The following GRID1 variants were observed in gnomAD, a reference collection of about 807,000 sequenced individuals.
The protein encoded by GRID1 is glutamate receptor ionotropic, delta-1.
A neutral mutation model predicts 98.0 loss-of-function variants in GRID1; 28 were observed. The ratio of observed to expected loss-of-function variants is 0.29; its 90% CI spans 0.21 to 0.39. GRID1 has a LOEUF of 0.39. Ranked by LOEUF, GRID1 falls within the 10% of genes least tolerant of loss-of-function variation. The probability of loss-of-function intolerance (pLI) is 1.00; values close to 1 mark genes in which losing one functional copy is unlikely to be tolerated. For synonymous variants in GRID1, 553 were observed against 538.5 expected (o/e 1.03, Z -0.37); for missense variants, 1,111 against 1,340.5 (o/e 0.83, Z 2.67).
intron 4 of GRID1, among the ~76,000 whole-genome samples, chr10:85,967,723 C>G (rs762107882): frequency 6.6e-6 from 1 of 152,150 alleles, no homozygotes; most frequent in Non-Finnish European, 1.5e-5. Flanking sequence ...CTCAGGGAGA[C>G]TCATGCCTAA....
intron 2 of GRID1, among the ~76,000 whole-genome samples, chr10:86,363,160 G>A (rs926271721): frequency 6.6e-6 from 1 of 152,258 alleles, no homozygotes; most frequent in South Asian, 2.1e-4. Flanking sequence ...AGCAGAGGGG[G>A]TTGCTGTCGT....
At chr10:86,175,900 G>A (rs1215161737) in intron 3 of GRID1, among the ~76,000 whole-genome samples, 1 of 152,218 alleles carries the variant, frequency 6.6e-6, no homozygotes, top group Non-Finnish European at 1.5e-5. Flanking sequence ...GTAGAGACGG[G>A]GTTTCTCCAT....
intron 2 of GRID1, among the ~76,000 whole-genome samples, chr10:86,295,725 T>C (rs1847579678): frequency 6.6e-6 from 1 of 152,190 alleles, no homozygotes; most frequent in Non-Finnish European, 1.5e-5. Flanking sequence ...CTGCAGTTCA[T>C]ACCTGAGCTT....
chr10:85,698,629 T>C (rs1841419132), intron 12 of GRID1, among the ~76,000 whole-genome samples: 1 of 152,260 alleles, frequency 6.6e-6, no homozygotes, highest in African/African-American at 2.4e-5. Flanking sequence ...TATAAACATT[T>C]ATGTAAAGAT....
At chr10:86,228,379 T>C (rs1266979023) in intron 2 of GRID1, among the ~76,000 whole-genome samples, 1 of 151,554 alleles carries the variant, frequency 6.6e-6, no homozygotes, top group African/African-American at 2.4e-5. Context: ...CTGGCCTTGG[T>C]CCCCCATCCT....
At chr10:85,615,718 C>T (rs1180498836) in intron 14 of GRID1, among the ~76,000 whole-genome samples, 1 of 152,212 alleles carries the variant, frequency 6.6e-6, no homozygotes, top group African/African-American at 2.4e-5. Flanking sequence ...AGTGTTGCAC[C>T]ACCTCATATG....
intron 5 of GRID1, among the ~76,000 whole-genome samples, chr10:85,912,308 C>G (rs1841550023): frequency 6.6e-6 from 1 of 152,198 alleles, no homozygotes; most frequent in Non-Finnish European, 1.5e-5. Context: ...AAAAACACAT[C>G]CGCTCTCCAG....
At chr10:85,881,260 T>C (rs1216491701) in intron 5 of GRID1, among the ~76,000 whole-genome samples, 1 of 151,756 alleles carries the variant, frequency 6.6e-6, no homozygotes, top group Non-Finnish European at 1.5e-5. Context: ...CTTCACAGAA[T>C]TGGAAAAAAC....
intron 4 of GRID1, among the ~76,000 whole-genome samples, chr10:86,101,695 T>G (rs182069350): frequency 2.0e-5 from 3 of 150,882 alleles, no homozygotes. Context: ...TAGAGTGCAG[T>G]GTGGTGCAAT....
chr10:85,965,785 TA>T (rs78965421), intron 4 of GRID1, among the ~76,000 whole-genome samples: 19,591 of 144,092 alleles, frequency 0.14, 1,397 homozygotes, highest in Admixed American at 0.23. Flanking sequence ...TAAAATATAA[TA>T]AAAAAAAAAA....
intron 4 of GRID1, among the ~76,000 whole-genome samples, chr10:85,971,559 A>G (rs1424714133): frequency 6.6e-6 from 1 of 152,166 alleles, no homozygotes; most frequent in African/African-American, 2.4e-5. Flanking sequence ...CTTTTACAAA[A>G]CAGGATATCC....
intron 12 of GRID1, among the ~76,000 whole-genome samples, chr10:85,712,663 C>T (rs536949772): frequency 6.6e-6 from 1 of 151,878 alleles, no homozygotes; most frequent in South Asian, 2.1e-4. Flanking sequence ...GGATATATTA[C>T]CTGTTAGACC....
intron 6 of GRID1, among the ~76,000 whole-genome samples, 174 bp downstream of exon 6, chr10:85,868,836 C>T (rs1340843140): frequency 2.0e-5 from 3 of 152,178 alleles, no homozygotes; most frequent in Non-Finnish European, 4.4e-5. Context: ...GCATAATTGC[C>T]TGCTCGTGCT....
At chr10:85,850,083 C>G (rs1218124429) in intron 8 of GRID1, among the ~76,000 whole-genome samples, 1 of 152,136 alleles carries the variant, frequency 6.6e-6, no homozygotes, top group Non-Finnish European at 1.5e-5. Context: ...CAGCTGCTGC[C>G]CTCCACTGAG....
At chr10:85,824,316 A>T (rs1052334760) in intron 8 of GRID1, among the ~76,000 whole-genome samples, 1 of 152,004 alleles carries the variant, frequency 6.6e-6, no homozygotes, top group Non-Finnish European at 1.5e-5. Flanking sequence ...GGTTCAAGTG[A>T]TTCTCTTGCC....
At chr10:85,918,587 C>T (rs893403233) in intron 4 of GRID1, among the ~76,000 whole-genome samples, 13 of 152,166 alleles carry the variant, frequency 8.5e-5, no homozygotes, top group African/African-American at 3.1e-4. Context: ...ATCAGGGATG[C>T]TTACAGGTGG....
intron 4 of GRID1, among the ~76,000 whole-genome samples, chr10:85,990,069 G>A (rs1286525575): frequency 2.6e-5 from 4 of 152,166 alleles, no homozygotes; most frequent in South Asian, 2.1e-4. Flanking sequence ...TCCAAACTGT[G>A]AGAACTAAAT....
intron 8 of GRID1, among the ~76,000 whole-genome samples, chr10:85,828,899 T>C (rs1183415892): frequency 6.6e-6 from 1 of 152,118 alleles, no homozygotes; most frequent in Non-Finnish European, 1.5e-5. Flanking sequence ...GCTGGTAATA[T>C]TGCTACTGAA....
At chr10:86,354,498 A>G (rs1168618480) in intron 2 of GRID1, among the ~76,000 whole-genome samples, 1 of 152,236 alleles carries the variant, frequency 6.6e-6, no homozygotes, top group Admixed American at 6.5e-5. Flanking sequence ...ACTGTTGCTC[A>G]CCACAGCCTC....
Sources: gnomAD v4.1 joint callset for allele counts (sites outside exome capture counted in the v4.1 genomes callset) on GRCh38, gnomAD v4.1.1 for gene constraint, MANE v1.5 for transcripts, NCBI Gene and HGNC (gene_info 2026-07-23, HGNC 2026-07-21) for gene names.